Variants in MCM3AP observed in about 807,000 individuals in gnomAD.
The protein encoded by MCM3AP is minichromosome maintenance complex component 3 associated protein.
Under a neutral mutation model 184.1 loss-of-function variants are expected in MCM3AP, and 126 were observed. The ratio of observed to expected loss-of-function variants is 0.68; its 90% CI spans 0.59 to 0.79. The LOEUF is 0.79. MCM3AP is among the 30% of genes least tolerant of loss of function. The pLI is 0.00. For synonymous variants in MCM3AP, 1,002 were observed against 979.3 expected (o/e 1.02, Z -0.43); for missense variants, 2,496 against 2,479.2 (o/e 1.01, Z -0.14).
chr21:46,257,560 C>G (rs2080975571), intron 16 of MCM3AP, among the ~76,000 whole-genome samples: 1 of 151,918 alleles, frequency 6.6e-6, no homozygotes, highest in Non-Finnish European at 1.5e-5. Context: ...ACACACGTGC[C>G]TGTGTGCAAA....
At chr21:46,266,634 C>T (rs2081116181) in intron 10 of MCM3AP, 1 of 294,736 alleles carries the variant, frequency 3.4e-6, no homozygotes, top group Non-Finnish European at 6.4e-6. Flanking sequence ...GGCTGGCCTG[C>T]GGGTGCCTCC....
chr21:46,260,420 G>A (rs890577222), intron 15 of MCM3AP, among the ~76,000 whole-genome samples: 1 of 152,128 alleles, frequency 6.6e-6, no homozygotes, highest in Non-Finnish European at 1.5e-5. Flanking sequence ...TGAGTTGCTG[G>A]GACTACAGGT....
At chr21:46,240,216 C>T in intron 26 of MCM3AP, among the ~76,000 whole-genome samples, 1 of 152,184 alleles carries the variant, frequency 6.6e-6, no homozygotes, top group South Asian at 2.1e-4. Context: ...CTGCATGGTT[C>T]GTTTCCAGCA....
Position 46,257,364 on chromosome 21 carries a change from A to G in MCM3AP, c.3735-378T>C, listed in dbSNP as rs539270643. 2.9e-4 allele frequency among the ~76,000 whole-genome samples: 43 copies of G among 150,522 alleles called. No homozygotes were observed. The South Asian group carries it at 9.1e-3, about 32-fold the overall frequency. On this transcript the variant is annotated intron_variant, in intron 16 of 27. Transcript: ENST00000291688. ...GTGGTGGGCGACTGTGGTCCCAGCT[A>G]CTTGGGAGGCTGAGGCAGGAGAATC...
chr21:46,272,862 C>CAT, intron 7 of MCM3AP, 33 bp from the exon 8 acceptor site: 1 of 1,528,350 alleles, frequency 6.5e-7, no homozygotes, highest in Non-Finnish European at 8.8e-7. Context: ...ATCACACACA[C>CAT]ATTCCCATGC....
At chr21:46,279,017 G>A (rs918793318) in intron 4 of MCM3AP, among the ~76,000 whole-genome samples, 1 of 151,564 alleles carries the variant, frequency 6.6e-6, no homozygotes, top group Admixed American at 6.6e-5. Flanking sequence ...AGTAATGCTG[G>A]AAACTGCTGA....
chr21:46,248,028 G>T (rs1433987932), intron 20 of MCM3AP, among the ~76,000 whole-genome samples: 1 of 152,166 alleles, frequency 6.6e-6, no homozygotes, highest in Non-Finnish European at 1.5e-5. Context: ...TACATTTCTA[G>T]AAAGCAGCAA....
At chr21:46,244,515 T>C (rs1219163186) in intron 23 of MCM3AP, 1 of 445,034 alleles carries the variant, frequency 2.2e-6, no homozygotes, top group African/African-American at 2.0e-5. Context: ...AGGGTTGGTG[T>C]TCCTCCCAGT....
rs17176611 is a variant in MCM3AP, at chr21:46,257,034, A to C, written c.3735-48T>G. On this transcript the variant is annotated intron_variant, in intron 16 of 27. Coordinates refer to ENST00000291688, the MANE Select transcript of MCM3AP (RefSeq NM_003906.5). ...TCACAGAGTGTTTTCAGGGTCTTCA[A>C]ACTGAGAAACACATTGCAGTCAGAA... 0.16 allele frequency: 244,615 copies of C among 1,561,758 alleles called. 20,005 individuals carry two copies. Among genetic ancestry groups the C allele is most frequent in the Middle Eastern group, 0.18 (1,079 of 5,938 alleles).
chr21:46,272,546 G>A lies in MCM3AP; in HGVS notation c.2465+15C>T. The A allele has an allele frequency of 6.2e-7, 1 of 1,608,928 alleles. No individual in the cohort carries two copies. Among genetic ancestry groups the A allele is most frequent in the Non-Finnish European group, 8.5e-7 (1 of 1,176,966 alleles). The stretch of plus-strand genomic sequence containing the variant: ...TTCAGCCACCTTAGGACAACTTTTG[G>A]ATGTGAAAATTCACCTTAGGATGTC... On this transcript the variant is annotated intron_variant, in intron 8 of 27. Transcript: ENST00000291688.
At chr21:46,256,636 AC>A (rs1159191523) in intron 17 of MCM3AP, 152 bp downstream of exon 17, 1 of 921,104 alleles carries the variant, frequency 1.1e-6, no homozygotes, top group African/African-American at 1.7e-5. Flanking sequence ...TCAAAATGCA[AC>A]CCTGTGCCTG....
At chr21:46,261,902 A>C (rs1164331918) in intron 13 of MCM3AP, among the ~76,000 whole-genome samples, 1 of 152,212 alleles carries the variant, frequency 6.6e-6, no homozygotes. Flanking sequence ...GGAAATGCTC[A>C]TTGGAGCATT....
Position 46,285,540 on chromosome 21 carries a change from T to C in MCM3AP, c.-254A>G, listed in dbSNP as rs1317204540. 2.0e-6 allele frequency: 1 copy of C among 496,430 alleles called. No homozygotes were observed. The highest frequency in any genetic ancestry group is 3.7e-5 in the Admixed American group (1 of 26,926). 30.8% of individuals were successfully genotyped at this position (496,430 alleles called of 1,614,324 possible). On this transcript the variant is annotated 5_prime_UTR_variant, in exon 1 of 28. Coordinates refer to ENST00000291688, the MANE Select transcript of MCM3AP (RefSeq NM_003906.5). Reference sequence around the variant, plus strand: ...TTCTGAGAGCCGATAGGTTATTTTGTTGGAGGGTGGGGTAGAGAGTGGTAC... The same window carrying C: ...TTCTGAGAGCCGATAGGTTATTTTGCTGGAGGGTGGGGTAGAGAGTGGTAC...
chr21:46,273,216 C>T (rs1384880629), intron 7 of MCM3AP, among the ~76,000 whole-genome samples, 172 bp downstream of exon 7: 5 of 152,186 alleles, frequency 3.3e-5, no homozygotes, highest in African/African-American at 1.2e-4. Flanking sequence ...CTCAGGTGAT[C>T]CACCCACCTC....
intron 13 of MCM3AP, among the ~76,000 whole-genome samples, chr21:46,262,860 G>A (rs1157112525): frequency 2.7e-5 from 4 of 150,664 alleles, no homozygotes; most frequent in Non-Finnish European, 5.9e-5. Flanking sequence ...CCAGCTACTC[G>A]GGAGGCTGAG....
At position 46,246,780 on chromosome 21, in the gene MCM3AP, C is replaced by G; in HGVS notation, c.4397G>C (p.Ser1466Thr). 6.2e-7 allele frequency: 1 copy of G among 1,614,256 alleles called. No individual in the cohort carries two copies. The highest frequency in any genetic ancestry group is 1.3e-5 in the African/African-American group (1 of 75,060). ...LMLLLPPKMK[S>T]EDMAEEDVYW... Reference sequence around the variant, plus strand: ...CACGTCCTCCTCTGCCATGTCCTCACTCTTCATTTTGGGGGGAAGCAGCAG... The same window carrying G: ...CACGTCCTCCTCTGCCATGTCCTCAGTCTTCATTTTGGGGGGAAGCAGCAG... Residue 1466 changes from serine to threonine, a missense_variant, in exon 21 of 28, where the codon AGT (serine) becomes ACT (threonine). By Grantham distance (58) the Ser-to-Thr change is moderately conservative. Coordinates refer to ENST00000291688, the MANE Select transcript of MCM3AP (RefSeq NM_003906.5).
chr21:46,283,887 C>G, intron 1 of MCM3AP, 49 bp from the exon 2 acceptor site: 1 of 1,569,068 alleles, frequency 6.4e-7, no homozygotes, highest in Non-Finnish European at 8.7e-7. Context: ...TTTCCAACAA[C>G]AGGAGGCACC....
chr21:46,265,578 C>T, intron 11 of MCM3AP, 55 bp from the exon 12 acceptor site: 1 of 1,417,136 alleles, frequency 7.1e-7, no homozygotes, highest in Admixed American at 2.4e-5. Context: ...TGCCTGGCAC[C>T]ACGGGGACCG....
At chr21:46,246,943 C>G in intron 20 of MCM3AP, 57 bp from the exon 21 acceptor site, 1 of 1,573,658 alleles carries the variant, frequency 6.4e-7, no homozygotes, top group East Asian at 2.3e-5. Context: ...TCAGCAGTGA[C>G]TGATCTGCCC....
Sources: allele counts gnomAD v4.1 joint callset (sites outside exome capture counted in the v4.1 genomes callset), GRCh38; gene constraint gnomAD v4.1.1; transcripts MANE v1.5; gene names NCBI Gene and HGNC (gene_info 2026-07-23, HGNC 2026-07-21).